CHLSN: variants seen among roughly 807,000 people sequenced by gnomAD.
CHLSN encodes the protein cholesin, also known as protein cholesin.
chr7:1,093,343 CCT>C, the CHLSN span: 5 of 423,730 alleles, frequency 1.2e-5, no homozygotes, highest in Admixed American at 1.3e-4. Flanking sequence ...CGCGGTGTGT[CCT>C]CTGTGCCCAC....
At chr7:1,076,014 C>T in the CHLSN span, 25,015 of 152,246 alleles carry the variant, frequency 0.16, 2,182 homozygotes, top group African/African-American at 0.19. Context: ...CCAGCTCCAG[C>T]GGCTGAGTCC....
the CHLSN span, among the ~76,000 whole-genome samples, chr7:1,060,032 C>CAGTAGTGAGG: frequency 1.9e-5 from 1 of 54,004 alleles, no homozygotes; most frequent in Admixed American, 1.9e-4. Flanking sequence ...TGAAGCGGGT[C>CAGTAGTGAGG]CGTAGTGAGG....
chr7:1,135,874 T>C, the CHLSN span, among the ~76,000 whole-genome samples: 10 of 134,314 alleles, frequency 7.4e-5, no homozygotes, highest in African/African-American at 2.2e-4. Context: ...TATATAAAAA[T>C]ATATATGAAT....
At chr7:998,514 G>T in the CHLSN span, among the ~76,000 whole-genome samples, 2 of 133,718 alleles carry the variant, frequency 1.5e-5, no homozygotes, top group Non-Finnish European at 3.1e-5. Flanking sequence ...AGGCTGCAGT[G>T]CAGTGGCACG....
At chr7:1,099,254 C>T in the CHLSN span, among the ~76,000 whole-genome samples, 3 of 140,338 alleles carry the variant, frequency 2.1e-5, no homozygotes, top group South Asian at 2.4e-4. Context: ...GTTCCTGCAG[C>T]GGCCTCCCCT....
the CHLSN span, among the ~76,000 whole-genome samples, chr7:1,072,721 G>A: frequency 2.3e-5 from 3 of 128,082 alleles, no homozygotes; most frequent in African/African-American, 6.2e-5. Flanking sequence ...TCGCTCCATC[G>A]TGCCCAGGCT....
At chr7:1,104,406 C>T in the CHLSN span, among the ~76,000 whole-genome samples, 1 of 152,226 alleles carries the variant, frequency 6.6e-6, no homozygotes, top group African/African-American at 2.4e-5. Context: ...AGACCCATCT[C>T]TAATGCATTC....
At chr7:1,108,222 CCCGCACCCCGGGGGGGAAGCAGAGGAGGG>C in the CHLSN span, among the ~76,000 whole-genome samples, 1 of 50,852 alleles carries the variant, frequency 2.0e-5, no homozygotes, top group East Asian at 4.0e-4. Context: ...GCACTGGAGT[CCCGCACCCCGGGGGGGAAGCAGAGGAGGG>C]CTGTGTCCCG....
the CHLSN span, among the ~76,000 whole-genome samples, chr7:993,390 A>T: frequency 6.6e-6 from 1 of 152,144 alleles, no homozygotes; most frequent in Non-Finnish European, 1.5e-5. Context: ...GCAGGCAGAG[A>T]AAGAGCCCAG....
the CHLSN span, among the ~76,000 whole-genome samples, chr7:1,016,649 CA>C: frequency 3.9e-4 from 35 of 88,934 alleles, 1 homozygote; most frequent in South Asian, 2.2e-3. Context: ...CAGCGCACAG[CA>C]GCACACAGCA....
chr7:984,725 C>A, the CHLSN span: 1 of 1,239,440 alleles, frequency 8.1e-7, no homozygotes, highest in Non-Finnish European at 1.1e-6. Flanking sequence ...CTGAGAAGGG[C>A]CAGGTGTCCA....
chr7:1,019,252 G>A, the CHLSN span, among the ~76,000 whole-genome samples: 2 of 150,892 alleles, frequency 1.3e-5, no homozygotes, highest in East Asian at 1.9e-4. Flanking sequence ...AGAGGGTGAG[G>A]GTTTGGAGGG....
the CHLSN span, among the ~76,000 whole-genome samples, chr7:1,111,161 T>G: frequency 3.9e-5 from 6 of 152,260 alleles, no homozygotes; most frequent in Admixed American, 1.3e-4. Context: ...TGTGGTAAAC[T>G]TTTGAGGAGG....
At chr7:1,134,740 G>C in the CHLSN span, among the ~76,000 whole-genome samples, 1 of 151,512 alleles carries the variant, frequency 6.6e-6, no homozygotes, top group Non-Finnish European at 1.5e-5. Flanking sequence ...ATAGTGGCGG[G>C]TGCCTGTAGT....
chr7:1,124,362 T>C, the CHLSN span, among the ~76,000 whole-genome samples: 1 of 151,450 alleles, frequency 6.6e-6, no homozygotes, highest in Admixed American at 6.6e-5. Context: ...AGAAGCCTCT[T>C]GACTCAACTC....
chr7:1,092,953 G>A, the CHLSN span: 34 of 1,162,292 alleles, frequency 2.9e-5, no homozygotes, highest in East Asian at 3.0e-4. Flanking sequence ...TCTAAACTGC[G>A]GTCAGATGTG....
At chr7:1,122,895 G>A in the CHLSN span, among the ~76,000 whole-genome samples, 86 of 152,296 alleles carry the variant, frequency 5.6e-4, no homozygotes, top group African/African-American at 1.8e-3. Flanking sequence ...GGACAGAAGC[G>A]GCAGGTGCCA....
the CHLSN span, among the ~76,000 whole-genome samples, chr7:1,115,041 G>A: frequency 6.6e-6 from 1 of 152,258 alleles, no homozygotes; most frequent in Non-Finnish European, 1.5e-5. Flanking sequence ...CCGTGGGCAT[G>A]TCTGTTACCA....
chr7:1,065,790 A>C, the CHLSN span, among the ~76,000 whole-genome samples: 6 of 152,102 alleles, frequency 3.9e-5, no homozygotes, highest in Non-Finnish European at 8.8e-5. Context: ...ATCACGGCTC[A>C]GCATCTCATG....
Sources: gnomAD v4.1 joint callset for allele counts (sites outside exome capture counted in the v4.1 genomes callset) on GRCh38, gnomAD v4.1.1 for gene constraint, MANE v1.5 for transcripts, NCBI Gene and HGNC (gene_info 2026-07-23, HGNC 2026-07-21) for gene names.